Variants in GRAMD2B observed in about 807,000 individuals in gnomAD.
GRAMD2B encodes GRAM domain containing 2B.
GRAMD2B carries 41 observed loss-of-function variants against 59.2 expected under a neutral mutation model. The ratio of observed to expected loss-of-function variants is 0.69; its 90% CI spans 0.54 to 0.90. The LOEUF is 0.90. Among genes scored for constraint, GRAMD2B ranks in the 40% least tolerant of loss-of-function variants. The pLI, the probability that GRAMD2B is intolerant of heterozygous loss-of-function variation, is 0.00. For synonymous variants in GRAMD2B, 161 were observed against 182.7 expected, an observed-to-expected ratio of 0.88 and a Z score of 0.96; for missense variants, 424 against 500.5, an observed-to-expected ratio of 0.85 and a Z score of 1.46.
intron 1 of GRAMD2B, among the ~76,000 whole-genome samples, chr5:126,408,844 C>T (rs1200069702): frequency 8.7e-6 from 1 of 115,502 alleles, no homozygotes; most frequent in Admixed American, 9.9e-5. Context: ...CCCCCCTCCC[C>T]CCACCCGACA....
At chr5:126,427,414 A>G (rs1383349261) in intron 1 of GRAMD2B, among the ~76,000 whole-genome samples, 1 of 152,218 alleles carries the variant, frequency 6.6e-6, no homozygotes. Context: ...AGCAAAAGTT[A>G]TCTTGATTCA....
At chr5:126,407,014 C>G (rs1351712907) in intron 1 of GRAMD2B, among the ~76,000 whole-genome samples, 3 of 152,134 alleles carry the variant, frequency 2.0e-5, no homozygotes, top group Admixed American at 2.0e-4. Context: ...TCTGATTTGA[C>G]ATCAATGGAG....
upstream of GRAMD2B, among the ~76,000 whole-genome samples, chr5:126,422,489 G>A (rs1316187712): frequency 6.6e-6 from 1 of 152,156 alleles, no homozygotes; most frequent in Non-Finnish European, 1.5e-5. Flanking sequence ...GTAAGCCACC[G>A]TGCCTGGCCC....
intron 1 of GRAMD2B, among the ~76,000 whole-genome samples, chr5:126,457,343 A>G (rs1766495615): frequency 6.6e-6 from 1 of 151,056 alleles, no homozygotes; most frequent in Non-Finnish European, 1.5e-5. Context: ...GGTTAAATAT[A>G]TAGGTCTTGG....
intron 1 of GRAMD2B, among the ~76,000 whole-genome samples, chr5:126,463,756 C>T (rs557420369): frequency 6.6e-6 from 1 of 152,190 alleles, no homozygotes; most frequent in Non-Finnish European, 1.5e-5. Flanking sequence ...CAGTGGCTCA[C>T]GCCTGTAATC....
intron 1 of GRAMD2B, among the ~76,000 whole-genome samples, chr5:126,400,405 G>T (rs1378898800): frequency 6.6e-6 from 1 of 151,978 alleles, no homozygotes; most frequent in African/African-American, 2.4e-5. Flanking sequence ...TTAATATCAT[G>T]TATCTATTAA....
chr5:126,360,509 G>C (rs893309344), intron 1 of GRAMD2B: 1 of 1,527,964 alleles, frequency 6.5e-7, no homozygotes, highest in Non-Finnish European at 8.8e-7. Flanking sequence ...GTGGAGTGTG[G>C]CTTCTGTGGT....
upstream of GRAMD2B, among the ~76,000 whole-genome samples, chr5:126,368,208 GTTGT>G (rs1438522496): frequency 6.6e-6 from 1 of 152,060 alleles, no homozygotes; most frequent in Non-Finnish European, 1.5e-5. Flanking sequence ...TCCTATTCCA[GTTGT>G]TTATCTTTGA....
chr5:126,447,194 C>T (rs1005344947), intron 1 of GRAMD2B, among the ~76,000 whole-genome samples: 20 of 152,216 alleles, frequency 1.3e-4, no homozygotes, highest in African/African-American at 4.8e-4. Flanking sequence ...ACCCTCAGTA[C>T]TTTAGTCTAC....
chr5:126,458,449 A>T (rs532332355), intron 1 of GRAMD2B, among the ~76,000 whole-genome samples: 2 of 139,418 alleles, frequency 1.4e-5, no homozygotes, highest in African/African-American at 5.4e-5. Flanking sequence ...CAAAACAAAA[A>T]AAAAAAAAGA....
At chr5:126,447,913 A>C (rs1581053373) in intron 1 of GRAMD2B, among the ~76,000 whole-genome samples, 1 of 151,508 alleles carries the variant, frequency 6.6e-6, no homozygotes, top group African/African-American at 2.4e-5. Context: ...TTTGGAGCAC[A>C]GTGTGGCATG....
chr5:126,400,060 ATT>A (rs568443074), intron 1 of GRAMD2B, among the ~76,000 whole-genome samples: 3 of 145,172 alleles, frequency 2.1e-5, no homozygotes, highest in African/African-American at 7.5e-5. Context: ...TTGTGATTTG[ATT>A]TTTTTTTTTG....
chr5:126,472,407 G>T (rs1769777874), intron 4 of GRAMD2B, 103 bp downstream of exon 4: 1 of 813,060 alleles, frequency 1.2e-6, no homozygotes, highest in Non-Finnish European at 2.1e-6. Context: ...GTCACCAAGG[G>T]GATCAGGTTT....
At chr5:126,445,852 G>A (rs1764128493) in intron 1 of GRAMD2B, among the ~76,000 whole-genome samples, 1 of 152,144 alleles carries the variant, frequency 6.6e-6, no homozygotes, top group Non-Finnish European at 1.5e-5. Flanking sequence ...GTTGAGATTG[G>A]GGAATGGCAT....
intron 6 of GRAMD2B, 191 bp from the exon 7 acceptor site, chr5:126,480,265 G>T: frequency 1.8e-6 from 1 of 546,764 alleles, no homozygotes; most frequent in Non-Finnish European, 3.2e-6. Flanking sequence ...GCTTTTATGG[G>T]AGAATGTTTG....
At chr5:126,371,346 T>A in exon 1 of GRAMD2B, 1 of 1,167,428 alleles carries the variant, frequency 8.6e-7, no homozygotes, top group Non-Finnish European at 1.1e-6. Flanking sequence ...ATTCAAGGAC[T>A]GTACAAAGCT....
intron 1 of GRAMD2B, among the ~76,000 whole-genome samples, chr5:126,462,173 C>T (rs1256069170): frequency 6.6e-6 from 1 of 152,058 alleles, no homozygotes; most frequent in African/African-American, 2.4e-5. Context: ...AGTCAAAGTC[C>T]GTAACAGGGC....
At chr5:126,375,099 G>T (rs1224227901) in intron 1 of GRAMD2B, among the ~76,000 whole-genome samples, 6 of 152,014 alleles carry the variant, frequency 3.9e-5, no homozygotes, top group Non-Finnish European at 8.8e-5. Context: ...TAAAGTTTTA[G>T]AATATTCTGC....
intron 1 of GRAMD2B, among the ~76,000 whole-genome samples, chr5:126,417,789 A>G (rs546936424): frequency 6.6e-6 from 1 of 152,266 alleles, no homozygotes; most frequent in African/African-American, 2.4e-5. Flanking sequence ...ACTCTCCTAC[A>G]AGATATGTGT....
Sources: gnomAD v4.1 joint callset for allele counts (sites outside exome capture counted in the v4.1 genomes callset) on GRCh38, gnomAD v4.1.1 for gene constraint, MANE v1.5 for transcripts, NCBI Gene and HGNC (gene_info 2026-07-23, HGNC 2026-07-21) for gene names.